The following CINP variants were observed in gnomAD, a reference collection of about 807,000 sequenced individuals.
CINP encodes the protein cyclin-dependent kinase 2-interacting protein.
A neutral mutation model predicts 20.5 loss-of-function variants in CINP; 11 were observed. The observed-to-expected ratio is 0.54, with a 90% confidence interval of 0.34 to 0.89. CINP has a LOEUF of 0.89. Ranked by LOEUF, CINP falls within the 40% of genes least tolerant of loss-of-function variation. CINP has a pLI of 0.02. For missense variants in CINP, 213 were observed against 251.0 expected (o/e 0.85, Z 1.02); for synonymous variants, 108 against 102.1 (o/e 1.06, Z -0.35).
Position 102,348,694 on chromosome 14 carries a change from T to C in CINP, c.502A>G (p.Lys168Glu). ...KELLLKRTVA[K>E]ELAHTGDPDL... ...GGATCCCCGGTGTGGGCAAGCTCCT[T>C]GGCCACCGTGCGCTTCAGGAGCAGC... The change falls in exon 5 of 5, where the codon AAG becomes GAG. Residue 168 changes from lysine (K) to glutamate (E), a missense_variant. Lys to Glu is a moderately conservative substitution (Grantham distance 56). Transcript: ENST00000216756. The C allele has an allele frequency of 6.2e-7, 1 of 1,613,950 alleles. No homozygotes were observed. Among genetic ancestry groups the C allele is most frequent in the Non-Finnish European group, 8.5e-7 (1 of 1,179,938 alleles).
intron 4 of CINP, 53 bp from the exon 5 acceptor site, chr14:102,348,812 G>A (rs914887367): frequency 3.4e-5 from 52 of 1,512,578 alleles, no homozygotes; most frequent in South Asian, 5.9e-5. Context: ...ACATAGTGTC[G>A]ACTTGGGAAG....
chr14:102,349,883 ACCCTCC>A (rs754603286), intron 4 of CINP, 30 bp downstream of exon 4: 1 of 1,612,382 alleles, frequency 6.2e-7, no homozygotes, highest in Admixed American at 1.7e-5. Flanking sequence ...AATAACCTTT[ACCCTCC>A]TGAAAATCAA....
rs1886859805 is a variant in CINP, at chr14:102,351,173, C to G, written c.307-1125G>C. 6.6e-6 allele frequency among the ~76,000 whole-genome samples: 1 copy of G among 152,132 alleles called. No homozygotes were observed. The highest frequency in any genetic ancestry group is 2.4e-5 in the African/African-American group (1 of 41,430). ...TATTTACGGAAACCTCCTTGACTTC[C>G]TTGTTTATAAAATGGCAACACAGAA... On this transcript the variant is annotated intron_variant, in intron 3 of 4. Transcript: ENST00000216756. The surrounding 1 kb of genome is among the most constrained non-coding windows in gnomAD (Gnocchi z 4.2).
chr14:102,361,234 AAAC>A (rs1412508062), intron 1 of CINP, among the ~76,000 whole-genome samples: 1 of 152,138 alleles, frequency 6.6e-6, no homozygotes, highest in African/African-American at 2.4e-5. Context: ...AAAAAACAGA[AAAC>A]AAAACAAAAC....
At chr14:102,356,784 A>G (rs1887007071) in intron 2 of CINP, among the ~76,000 whole-genome samples, 1 of 152,138 alleles carries the variant, frequency 6.6e-6, no homozygotes, top group African/African-American at 2.4e-5. Context: ...AATTGTTTTG[A>G]GGTGCCATGA....
chr14:102,356,541 G>A (rs551077301), intron 2 of CINP, among the ~76,000 whole-genome samples: 6 of 152,136 alleles, frequency 3.9e-5, no homozygotes, highest in South Asian at 2.1e-4. Flanking sequence ...ATATAGGCAC[G>A]CCTCATTTTA....
intron 1 of CINP, among the ~76,000 whole-genome samples, chr14:102,361,509 C>T (rs914466530): frequency 4.4e-4 from 67 of 152,118 alleles, no homozygotes; most frequent in Middle Eastern, 3.4e-3. Flanking sequence ...GGCGTGGTGG[C>T]GGGCGCCTGT....
At position 102,358,606 on chromosome 14, in the gene CINP, G is replaced by A. The variant is rs574513382; in HGVS notation, c.176+813C>T. ...TGAGACAGGAGAACCACTTGAACCTGACAGGCAGAAGTTAGAGTGAGCCAA... is the reference window on the plus strand; with the variant it reads ...TGAGACAGGAGAACCACTTGAACCTAACAGGCAGAAGTTAGAGTGAGCCAA... On this transcript the variant is annotated intron_variant, in intron 2 of 4. Transcript: ENST00000216756. Among the ~76,000 whole-genome samples the A allele has an allele frequency of 2.9e-4, 44 of 152,170 alleles. 1 individual carries two copies. Among genetic ancestry groups the A allele is most frequent in the African/African-American group, 9.6e-4 (40 of 41,514 alleles).
At chr14:102,361,048 AT>A (rs1206502250) in intron 1 of CINP, among the ~76,000 whole-genome samples, 3 of 152,196 alleles carry the variant, frequency 2.0e-5, no homozygotes, top group Non-Finnish European at 4.4e-5. Flanking sequence ...TAATAAACAA[AT>A]GACCACGATC....
chr14:102,357,888 C>A (rs1450992898), intron 2 of CINP, among the ~76,000 whole-genome samples: 2 of 152,176 alleles, frequency 1.3e-5, no homozygotes. Context: ...AAGAACATGC[C>A]ATCCAAGACA....
chr14:102,349,798 C>A, intron 4 of CINP, 121 bp downstream of exon 4: 1 of 1,214,838 alleles, frequency 8.2e-7, no homozygotes. Context: ...CCTTTCCTCC[C>A]GATACTTTTG....
chr14:102,352,402 A>G (rs1047708396), intron 3 of CINP: 25 of 436,914 alleles, frequency 5.7e-5, no homozygotes, highest in African/African-American at 3.3e-4. Context: ...AACAGTGCAT[A>G]AACAGCAGGC....
chr14:102,352,413 C>T (rs545860961), intron 3 of CINP: 86 of 446,750 alleles, frequency 1.9e-4, no homozygotes, highest in Non-Finnish European at 1.5e-4. Context: ...AACAGCAGGC[C>T]CTTACATTTC....
rs536005128 is a variant in CINP at position 102,355,002 on chromosome 14, G to A, written c.306+766C>T. Among the ~76,000 whole-genome samples the A allele has an allele frequency of 7.2e-4, 109 of 151,514 alleles. 1 individual carries two copies. In the Middle Eastern group the frequency reaches 0.021, roughly 29 times the overall value. On this transcript the variant is annotated intron_variant, in intron 3 of 4. Coordinates refer to ENST00000216756, the MANE Select transcript of CINP (RefSeq NM_032630.3). ...CAGAATCACTTGTACCTGGGAGGCG[G>A]AGTTTGCAGTGAGCCAAGATCATGC...
Position 102,359,518 on chromosome 14 carries a change from T to C in CINP, c.77A>G (p.Asn26Ser). The change falls in exon 2 of 5, where the codon AAT (asparagine) becomes AGT (serine). Residue 26 changes from asparagine to serine, a missense_variant. Physicochemically the swap from Asn to Ser is conservative, Grantham distance 46 (BLOSUM62 1). Coordinates refer to ENST00000216756, the MANE Select transcript of CINP (RefSeq NM_032630.3). The stretch of plus-strand genomic sequence containing the variant: ...GATTAAATTGTGCCAATCAGCCGCA[T>C]TGTCCTTAATTTTTCTTGCACTGAC... ...LSVSARKIKD[N>S]AADWHNLILK... is the part of the protein sequence containing the mutation. The C allele has an allele frequency of 1.9e-6, 3 of 1,613,514 alleles. No homozygotes were observed. Among genetic ancestry groups the C allele is most frequent in the Non-Finnish European group, 2.5e-6 (3 of 1,179,702 alleles).
At chr14:102,355,736 G>T in intron 3 of CINP, 32 bp downstream of exon 3, 1 of 1,610,670 alleles carries the variant, frequency 6.2e-7, no homozygotes, top group South Asian at 1.1e-5. Context: ...CAGTGACAGT[G>T]ACCACAAGTG....
chr14:102,348,568 G>A lies in CINP; in HGVS notation c.628C>T (p.Arg210Ter), dbSNP rs761746819. The change falls in exon 5 of 5, where the codon CGA (arginine) becomes TGA (stop). Residue 210 changes from arginine to a stop codon, truncating the protein, a stop_gained. Coordinates refer to ENST00000216756, the MANE Select transcript of CINP (RefSeq NM_032630.3). LOFTEE classifies it high-confidence loss of function. ...LESMLLETGH[R>*]AL ...GCCGTCTCAGGACGTCAGAGAGCTC[G>A]GTGGCCTGTCTCCAGCAGCATGCTC... 10 of 1,610,354 alleles carry A rather than the reference G, an allele frequency of 6.2e-6. No individual in the cohort carries two copies. Among genetic ancestry groups the A allele is most frequent in the African/African-American group, 5.3e-5 (4 of 74,896 alleles).
chr14:102,357,384 C>CA (rs60214361), intron 2 of CINP, among the ~76,000 whole-genome samples: 76,015 of 111,366 alleles, frequency 0.68, 27,395 homozygotes, highest in South Asian at 0.75. Context: ...TCCATCTCTA[C>CA]AAAAAAAAAA....
intron 3 of CINP, among the ~76,000 whole-genome samples, chr14:102,354,528 G>A (rs1886951950): frequency 6.6e-6 from 1 of 151,916 alleles, no homozygotes. Context: ...AGGCTGAGGT[G>A]GGTGGATCAC....
Sources: allele counts gnomAD v4.1 joint callset (sites outside exome capture counted in the v4.1 genomes callset), GRCh38; gene constraint gnomAD v4.1.1; non-coding constraint Gnocchi (gnomAD v3.1); transcripts MANE v1.5; gene names NCBI Gene and HGNC (gene_info 2026-07-23, HGNC 2026-07-21).